The following BLTP3B variants were observed in gnomAD, a reference collection of about 807,000 sequenced individuals.
The protein encoded by BLTP3B is UHRF1 (ICBP90) binding protein 1-like.
At chr12:100,131,993 T>C in the BLTP3B span, among the ~76,000 whole-genome samples, 2 of 152,212 alleles carry the variant, frequency 1.3e-5, no homozygotes, top group East Asian at 3.9e-4. Flanking sequence ...GGTTTCACCA[T>C]ATTGGCCAGG....
At chr12:100,080,349 CTTT>C in the BLTP3B span, among the ~76,000 whole-genome samples, 4 of 141,176 alleles carry the variant, frequency 2.8e-5, no homozygotes, top group Non-Finnish European at 1.6e-5. Context: ...GAACCCATCT[CTTT>C]TTTTTTTTTT....
At chr12:100,089,484 C>T in the BLTP3B span, among the ~76,000 whole-genome samples, 2 of 151,994 alleles carry the variant, frequency 1.3e-5, no homozygotes, top group Admixed American at 6.6e-5. Context: ...CACTTGAACC[C>T]GGGAGACAGA....
the BLTP3B span, among the ~76,000 whole-genome samples, chr12:100,042,038 T>C: frequency 6.6e-6 from 1 of 151,950 alleles, no homozygotes; most frequent in Admixed American, 6.6e-5. Context: ...AGAATACAAA[T>C]AAACTTAACA....
At chr12:100,085,494 T>C in the BLTP3B span, among the ~76,000 whole-genome samples, 8 of 152,332 alleles carry the variant, frequency 5.3e-5, no homozygotes, top group Admixed American at 3.9e-4. Flanking sequence ...AATTATTATA[T>C]TGAATGTTGG....
the BLTP3B span, among the ~76,000 whole-genome samples, chr12:100,082,259 G>A: frequency 6.6e-6 from 1 of 152,088 alleles, no homozygotes; most frequent in Non-Finnish European, 1.5e-5. Flanking sequence ...ATGGTGTTTG[G>A]TTTTTGCTTG....
chr12:100,103,770 C>A, the BLTP3B span: 1 of 633,534 alleles, frequency 1.6e-6, no homozygotes. Flanking sequence ...GGATGAAAAA[C>A]CTGAGTCCTA....
At chr12:100,037,515 T>C in the BLTP3B span, 1 of 1,535,740 alleles carries the variant, frequency 6.5e-7, no homozygotes, top group Non-Finnish European at 8.6e-7. Context: ...TTCATCACAT[T>C]CCATTTTGTT....
the BLTP3B span, chr12:100,037,446 C>G: frequency 7.5e-7 from 1 of 1,338,598 alleles, no homozygotes; most frequent in African/African-American, 1.5e-5. Flanking sequence ...CACAAAACAA[C>G]CAAAAGATTG....
the BLTP3B span, among the ~76,000 whole-genome samples, chr12:100,065,350 C>T: frequency 6.6e-6 from 1 of 151,558 alleles, no homozygotes. Context: ...CAAGGGAAGA[C>T]AACCATAAGG....
the BLTP3B span, among the ~76,000 whole-genome samples, chr12:100,130,411 T>G: frequency 6.6e-6 from 1 of 152,236 alleles, no homozygotes; most frequent in Non-Finnish European, 1.5e-5. Flanking sequence ...CCAGACTGTT[T>G]CCAGAAGACA....
the BLTP3B span, among the ~76,000 whole-genome samples, chr12:100,082,480 A>C: frequency 1.4e-4 from 21 of 152,212 alleles, no homozygotes; most frequent in African/African-American, 5.1e-4. Flanking sequence ...CAATCTCTAG[A>C]ATTCTATTTC....
At chr12:100,091,864 G>A in the BLTP3B span, among the ~76,000 whole-genome samples, 1 of 149,828 alleles carries the variant, frequency 6.7e-6, no homozygotes, top group African/African-American at 2.5e-5. Context: ...AGGGTGCAGT[G>A]GTGCAATCTC....
the BLTP3B span, chr12:100,059,989 T>G: frequency 6.2e-7 from 1 of 1,612,896 alleles, no homozygotes; most frequent in Non-Finnish European, 8.5e-7. Context: ...AATGCTTCTT[T>G]CATCCACAGT....
At chr12:100,048,785 T>A in the BLTP3B span, among the ~76,000 whole-genome samples, 3 of 149,684 alleles carry the variant, frequency 2.0e-5, no homozygotes, top group African/African-American at 7.4e-5. Flanking sequence ...TGTGTGTGTG[T>A]GTGTGTGTGT....
At chr12:100,052,602 T>C in the BLTP3B span, among the ~76,000 whole-genome samples, 1 of 152,024 alleles carries the variant, frequency 6.6e-6, no homozygotes, top group Non-Finnish European at 1.5e-5. Context: ...AAATAAACTA[T>C]GATCCATCTG....
At chr12:100,119,972 A>G in the BLTP3B span, among the ~76,000 whole-genome samples, 1 of 152,258 alleles carries the variant, frequency 6.6e-6, no homozygotes, top group Admixed American at 6.5e-5. Flanking sequence ...CACTGTAACT[A>G]CAGGGCAACC....
At chr12:100,133,934 CTA>C in the BLTP3B span, among the ~76,000 whole-genome samples, 4 of 152,098 alleles carry the variant, frequency 2.6e-5, no homozygotes, top group Non-Finnish European at 4.4e-5. Flanking sequence ...TACAATTTTT[CTA>C]TTACATATTA....
chr12:100,048,822 T>C, the BLTP3B span, among the ~76,000 whole-genome samples: 1 of 141,150 alleles, frequency 7.1e-6, no homozygotes, highest in African/African-American at 2.7e-5. Flanking sequence ...AAAATTACAT[T>C]TACTTATGCC....
At chr12:100,082,187 T>C in the BLTP3B span, among the ~76,000 whole-genome samples, 423 of 152,382 alleles carry the variant, frequency 2.8e-3, 4 homozygotes, top group African/African-American at 9.5e-3. Context: ...TTCATATGCT[T>C]GTTGGCTGCA....
Sources: gnomAD v4.1 joint callset for allele counts (sites outside exome capture counted in the v4.1 genomes callset) on GRCh38, gnomAD v4.1.1 for gene constraint, MANE v1.5 for transcripts, NCBI Gene and HGNC (gene_info 2026-07-23, HGNC 2026-07-21) for gene names.